KLHL2: variants seen among roughly 807,000 people sequenced by gnomAD.
KLHL2 encodes the protein kelch like family member 2.
A neutral mutation model predicts 75.8 loss-of-function variants in KLHL2; 15 were observed. The ratio of observed to expected loss-of-function variants is 0.20; its 90% CI spans 0.13 to 0.30. KLHL2 has a LOEUF of 0.30. KLHL2 is among the 10% of genes least tolerant of loss of function. The probability of loss-of-function intolerance (pLI) is 1.00; values close to 1 mark genes in which losing one functional copy is unlikely to be tolerated. For missense variants in KLHL2, 381 were observed against 741.0 expected (o/e 0.51, Z 5.64); for synonymous variants, 214 against 251.9 (o/e 0.85, Z 1.42).
chr4:165,231,164 C>T (rs1818471), intron 3 of KLHL2, among the ~76,000 whole-genome samples: 30,507 of 151,842 alleles, frequency 0.2, 3,637 homozygotes, highest in Non-Finnish European at 0.29. Context: ...AAAATTTACT[C>T]ATTTCAGGGC....
At chr4:165,287,299 A>G (rs1744165661) in intron 5 of KLHL2, among the ~76,000 whole-genome samples, 1 of 152,158 alleles carries the variant, frequency 6.6e-6, no homozygotes, top group Non-Finnish European at 1.5e-5. Context: ...AATGTTCTCA[A>G]GCTTCATCCA....
intron 1 of KLHL2, among the ~76,000 whole-genome samples, chr4:165,214,839 A>G (rs1050674491): frequency 1.4e-4 from 22 of 152,148 alleles, no homozygotes; most frequent in East Asian, 3.8e-4. Context: ...AAAATATTCA[A>G]TGGCATTATG....
chr4:165,306,676 T>C (rs1308605976), intron 9 of KLHL2, among the ~76,000 whole-genome samples: 1 of 151,918 alleles, frequency 6.6e-6, no homozygotes, highest in Non-Finnish European at 1.5e-5. Flanking sequence ...TTTGTACTTA[T>C]GTAATTATGA....
At chr4:165,304,785 CTTCTT>C (rs1745600680) in intron 8 of KLHL2, among the ~76,000 whole-genome samples, 1 of 152,266 alleles carries the variant, frequency 6.6e-6, no homozygotes, top group South Asian at 2.1e-4. Flanking sequence ...ATTGTGTACT[CTTCTT>C]GAGTTACTTC....
chr4:165,265,011 C>T (rs1490403685), intron 5 of KLHL2, among the ~76,000 whole-genome samples: 3 of 151,578 alleles, frequency 2.0e-5, no homozygotes, highest in Non-Finnish European at 2.9e-5. Flanking sequence ...TAAGCGTTCC[C>T]GTTTCACCAC....
In KLHL2 at chr4:165,317,930, G is replaced by A. The variant is rs759431695; in HGVS notation, c.1714G>A (p.Val572Ile). Residue 572 changes from valine to isoleucine, a missense_variant, in exon 14 of 15, where the codon GTT becomes ATT. Coordinates refer to ENST00000226725, the MANE Select transcript of KLHL2 (RefSeq NM_007246.4). Reference protein sequence around the residue: ...YYNPTTDKWTVVSSCMSTGRS... With the variant: ...YYNPTTDKWTIVSSCMSTGRS... Reference sequence around the variant, plus strand: ...TAACCCAACAACCGATAAATGGACAGTTGTGTCATCGTGTATGAGCACAGG... The same window carrying A: ...TAACCCAACAACCGATAAATGGACAATTGTGTCATCGTGTATGAGCACAGG... The A allele has an allele frequency of 1.9e-6, 3 of 1,613,886 alleles. No homozygotes were observed. Among genetic ancestry groups the A allele is most frequent in the African/African-American group, 1.3e-5 (1 of 74,944 alleles).
intron 5 of KLHL2, among the ~76,000 whole-genome samples, chr4:165,281,102 C>T (rs753259360): frequency 1.3e-5 from 2 of 152,098 alleles, no homozygotes; most frequent in African/African-American, 2.4e-5. Context: ...TGGGACTTTG[C>T]ATTGAGTATA....
rs1746834091 is a variant in KLHL2, at chr4:165,319,787, A to G, written c.1753+1818A>G. ...CAGGGATGTGCCACCACACCTGGCT[A>G]ATTTTTAAATTTTTATTATTTTTAT... On this transcript the variant is annotated intron_variant, in intron 14 of 14. Coordinates refer to ENST00000226725, the MANE Select transcript of KLHL2 (RefSeq NM_007246.4). The surrounding 1 kb of genome is among the most constrained non-coding windows in gnomAD (Gnocchi z 4.5). Among the ~76,000 whole-genome samples the G allele has an allele frequency of 6.6e-6, 1 of 152,000 alleles. No homozygotes were observed. Among genetic ancestry groups the G allele is most frequent in the African/African-American group, 2.4e-5 (1 of 41,362 alleles).
At chr4:165,314,972 T>G (rs1746484185) in intron 13 of KLHL2, among the ~76,000 whole-genome samples, 1 of 152,142 alleles carries the variant, frequency 6.6e-6, no homozygotes, top group Admixed American at 6.6e-5. Context: ...AGAAGGGTGA[T>G]TACTAAGAGA....
intron 4 of KLHL2, among the ~76,000 whole-genome samples, chr4:165,250,972 A>G (rs1372379330): frequency 3.3e-5 from 5 of 152,214 alleles, no homozygotes; most frequent in African/African-American, 1.2e-4. Flanking sequence ...TTGGTTTGAC[A>G]TGTAATGGTT....
rs1267632944 is a variant in KLHL2, at chr4:165,314,080, T to C, written c.1523T>C (p.Leu508Ser). 1 of 1,613,684 alleles carries C rather than the reference T, an allele frequency of 6.2e-7. No homozygotes were observed. Among genetic ancestry groups the C allele is most frequent in the African/African-American group, 1.3e-5 (1 of 74,918 alleles). ...GCTGTAGGAGGTCATGATGGCCCTTTAGTACGAAAAAGTGTTGAAGTATAT... is the reference window on the plus strand; with the variant it reads ...GCTGTAGGAGGTCATGATGGCCCTTCAGTACGAAAAAGTGTTGAAGTATAT... ...LYAVGGHDGPLVRKSVEVYDP... is the reference protein window; with the variant it reads ...LYAVGGHDGPSVRKSVEVYDP... Residue 508 changes from leucine to serine, a missense_variant, in exon 13 of 15, where the codon TTA (leucine) becomes TCA (serine). Coordinates refer to ENST00000226725, the MANE Select transcript of KLHL2 (RefSeq NM_007246.4).
Position 165,297,559 on chromosome 4 carries a change from T to C in KLHL2, c.655-50T>C, listed in dbSNP as rs758717509. 7.5e-5 allele frequency: 82 copies of C among 1,091,128 alleles called. No individual in the cohort carries two copies. In the East Asian group the frequency reaches 1.8e-3, roughly 24 times the overall value. 67.6% of individuals were successfully genotyped at this position (1,091,128 alleles called of 1,614,324 possible). ...TAGTCTCATATTTTATCCAGATGCCTTGATACACAACTCATTTCTTATTTT... is the reference window on the plus strand; with the variant it reads ...TAGTCTCATATTTTATCCAGATGCCCTGATACACAACTCATTTCTTATTTT... On this transcript the variant is annotated intron_variant, in intron 6 of 14. Coordinates refer to ENST00000226725, the MANE Select transcript of KLHL2 (RefSeq NM_007246.4).
chr4:165,304,095 CTGGT>C (rs1012512366), intron 8 of KLHL2, among the ~76,000 whole-genome samples: 22 of 151,310 alleles, frequency 1.5e-4, no homozygotes, highest in African/African-American at 5.4e-4. Context: ...GTTAACCAGG[CTGGT>C]CTTGAACTCC....
At chr4:165,278,590 T>A in intron 5 of KLHL2, 2 of 1,603,906 alleles carry the variant, frequency 1.2e-6, no homozygotes, top group Non-Finnish European at 1.7e-6. Context: ...AAGAAGTACC[T>A]ACTTCTTTAG....
At chr4:165,316,244 T>C (rs1008405776) in intron 13 of KLHL2, among the ~76,000 whole-genome samples, 9 of 152,182 alleles carry the variant, frequency 5.9e-5, no homozygotes, top group African/African-American at 9.7e-5. Context: ...CTCATAGATA[T>C]GATTGGGAAA....
chr4:165,256,587 C>CAT (rs1741193032), intron 4 of KLHL2, among the ~76,000 whole-genome samples: 1 of 152,174 alleles, frequency 6.6e-6, no homozygotes, highest in Non-Finnish European at 1.5e-5. Context: ...AGCCACAGTC[C>CAT]ATATATAGCT....
intron 2 of KLHL2, among the ~76,000 whole-genome samples, 181 bp downstream of exon 2, chr4:165,220,240 T>C (rs948739578): frequency 3.9e-5 from 6 of 152,188 alleles, no homozygotes; most frequent in Non-Finnish European, 8.8e-5. Flanking sequence ...GTGGATGGTG[T>C]GGGGCTCCTC....
At chr4:165,262,253 TAAA>T (rs752344863) in intron 4 of KLHL2, among the ~76,000 whole-genome samples, 1 of 152,206 alleles carries the variant, frequency 6.6e-6, no homozygotes, top group South Asian at 2.1e-4. Flanking sequence ...AAATGCAAAT[TAAA>T]AAGTTATTAG....
chr4:165,320,665 A>G (rs965494426), intron 14 of KLHL2, among the ~76,000 whole-genome samples: 10 of 152,244 alleles, frequency 6.6e-5, no homozygotes, highest in African/African-American at 1.9e-4. Context: ...GGATTACACC[A>G]TTGAATATAT....
Sources: allele counts gnomAD v4.1 joint callset (sites outside exome capture counted in the v4.1 genomes callset), GRCh38; gene constraint gnomAD v4.1.1; non-coding constraint Gnocchi (gnomAD v3.1); transcripts MANE v1.5; gene names NCBI Gene and HGNC (gene_info 2026-07-23, HGNC 2026-07-21).